Variants in TECPR2 observed in about 807,000 individuals in gnomAD.
TECPR2 encodes the protein tectonin beta-propeller repeat-containing protein 2.
TECPR2 carries 65 observed loss-of-function variants against 138.1 expected under a neutral mutation model. The observed-to-expected ratio is 0.47, with a 90% CI of 0.39 to 0.58. TECPR2 has a LOEUF of 0.58. Among genes scored for constraint, TECPR2 ranks in the 20% least tolerant of loss-of-function variants. TECPR2 has a pLI of 0.00. For synonymous variants in TECPR2, 746 were observed against 749.8 expected (o/e 0.99, Z 0.08); for missense variants, 1,553 against 1,824.5 (o/e 0.85, Z 2.71).
At chr14:102,426,426 C>T (rs999799032) in intron 6 of TECPR2, among the ~76,000 whole-genome samples, 4 of 152,184 alleles carry the variant, frequency 2.6e-5, no homozygotes, top group Non-Finnish European at 5.9e-5. Context: ...AACTCCCTGC[C>T]TTACCCTCCC....
chr14:102,423,121 T>G (rs1318889993), intron 5 of TECPR2, among the ~76,000 whole-genome samples: 7 of 152,104 alleles, frequency 4.6e-5, no homozygotes, highest in Non-Finnish European at 8.8e-5. Context: ...CCAACACAAA[T>G]TTGTAAACTT....
intron 2 of TECPR2, among the ~76,000 whole-genome samples, chr14:102,385,344 A>G (rs1453211093): frequency 6.6e-6 from 1 of 152,134 alleles, no homozygotes; most frequent in Non-Finnish European, 1.5e-5. Flanking sequence ...AACACCTCCT[A>G]CTAGGCCCCA....
intron 2 of TECPR2, among the ~76,000 whole-genome samples, chr14:102,404,427 T>G (rs891488576): frequency 6.6e-6 from 1 of 152,044 alleles, no homozygotes; most frequent in Non-Finnish European, 1.5e-5. Context: ...AAAACTTAAC[T>G]GCAAAAATGC....
chr14:102,479,518 G>A (rs1019259429), intron 17 of TECPR2, among the ~76,000 whole-genome samples: 1 of 152,198 alleles, frequency 6.6e-6, no homozygotes, highest in Non-Finnish European at 1.5e-5. Context: ...GGAGGCTCTT[G>A]AGCAGGGCCG....
At chr14:102,475,201 GA>G (rs1173735288) in intron 17 of TECPR2, among the ~76,000 whole-genome samples, 1 of 152,226 alleles carries the variant, frequency 6.6e-6, no homozygotes, top group Non-Finnish European at 1.5e-5. Context: ...ACTGGTACAA[GA>G]AAGGCAAGTA....
chr14:102,446,828 ATT>A (rs1889994592), intron 13 of TECPR2, among the ~76,000 whole-genome samples: 1 of 152,192 alleles, frequency 6.6e-6, no homozygotes, highest in Non-Finnish European at 1.5e-5. Flanking sequence ...TTATTTTGAT[ATT>A]GTTTATATAT....
intron 16 of TECPR2, among the ~76,000 whole-genome samples, chr14:102,458,493 A>G (rs1890327779): frequency 6.6e-6 from 1 of 152,168 alleles, no homozygotes. Flanking sequence ...AGGGTCTCGC[A>G]GCCAGACCCG....
At chr14:102,433,689 T>C (rs1383415628) in intron 8 of TECPR2, among the ~76,000 whole-genome samples, 4 of 151,674 alleles carry the variant, frequency 2.6e-5, no homozygotes, top group African/African-American at 4.8e-5. Flanking sequence ...CCCAGCTAAG[T>C]TTTTGTATTT....
rs750732088 is a variant in TECPR2 at position 102,443,820 on chromosome 14, A to G, written c.2926A>G (p.Ile976Val). 11 of 1,588,002 alleles carry G rather than the reference A, an allele frequency of 6.9e-6. No individual in the cohort carries two copies. Among genetic ancestry groups the G allele is most frequent in the Non-Finnish European group, 9.5e-6 (11 of 1,161,572 alleles). The change falls in exon 12 of 20, where the codon ATT (isoleucine) becomes GTT (valine). Residue 976 changes from isoleucine to valine, a missense_variant. Coordinates refer to ENST00000359520, the MANE Select transcript of TECPR2 (RefSeq NM_014844.5). The surrounding 1 kb of genome is among the most constrained non-coding windows in gnomAD (Gnocchi z 4.9). ...GGAAGGCGAGCAGTGGAAGTGTGAC[A>G]TTGTCAGGTACTGGCGGGCCAGAGA... ...CPEGEQWKCD[I>V]VSERQALEPV...
chr14:102,427,240 T>C (rs577891277), intron 6 of TECPR2, among the ~76,000 whole-genome samples: 6 of 152,372 alleles, frequency 3.9e-5, no homozygotes, highest in East Asian at 1.9e-4. Context: ...TTTGAACTTA[T>C]GTGCACTTAT....
chr14:102,469,210 A>G (rs1890612340), intron 17 of TECPR2, among the ~76,000 whole-genome samples: 1 of 152,200 alleles, frequency 6.6e-6, no homozygotes, highest in Non-Finnish European at 1.5e-5. Context: ...GTCTGTGAAC[A>G]TGGGATGTCT....
chr14:102,368,330 T>C (rs1887401942), intron 1 of TECPR2, among the ~76,000 whole-genome samples: 1 of 152,146 alleles, frequency 6.6e-6, no homozygotes, highest in Non-Finnish European at 1.5e-5. Flanking sequence ...TTGTGTGTCT[T>C]CTTTGGAGAA....
chr14:102,498,031 T>TCCCAGCTCCATCTGTGCCCAAGCC, intron 19 of TECPR2, 72 bp from the exon 20 acceptor site: 1 of 1,565,194 alleles, frequency 6.4e-7, no homozygotes, highest in Non-Finnish European at 8.7e-7. Context: ...GCGCCCAAGC[T>TCCCAGCTCCATCTGTGCCCAAGCC]CCCAGCTCCA....
chr14:102,377,636 A>G (rs1396805559), intron 2 of TECPR2, among the ~76,000 whole-genome samples: 1 of 152,050 alleles, frequency 6.6e-6, no homozygotes, highest in East Asian at 1.9e-4. Flanking sequence ...AACCTGGGAG[A>G]TGGAGGTTGC....
chr14:102,401,721 C>T lies in TECPR2; in HGVS notation c.220-5617C>T, dbSNP rs140311472. 8.6e-3 allele frequency among the ~76,000 whole-genome samples: 1,207 copies of T among 139,900 alleles called. 23 individuals are homozygous for T. The highest frequency in any genetic ancestry group is 0.03 in the African/African-American group (1,134 of 37,662). The allele number at this position is 139,900 out of a possible 152,430, so 91.8% of individuals were successfully genotyped here. ...TCAGGAGGCTGAGGCAGGAGAATGG[C>T]GTGAACCCGGGAGGCAGAGCTTGCA... On this transcript the variant is annotated intron_variant, in intron 2 of 19. Coordinates refer to ENST00000359520, the MANE Select transcript of TECPR2 (RefSeq NM_014844.5).
intron 14 of TECPR2, 100 bp from the exon 15 acceptor site, chr14:102,450,460 G>A: frequency 9.0e-7 from 1 of 1,116,174 alleles, no homozygotes; most frequent in South Asian, 1.3e-5. Context: ...ATTATCTGGA[G>A]AAAGGGTTTG....
Position 102,362,993 on chromosome 14 carries a change from T to G in TECPR2, c.-196T>G. On this transcript the variant is annotated 5_prime_UTR_variant, in exon 1 of 20. Coordinates refer to ENST00000359520, the MANE Select transcript of TECPR2 (RefSeq NM_014844.5). Reference sequence around the variant, plus strand: ...GGCGGAGCCAGCTGCTGCTCTTCGGTGCTGGCCCCGGTGCCGGCCCCGTTG... The same window carrying G: ...GGCGGAGCCAGCTGCTGCTCTTCGGGGCTGGCCCCGGTGCCGGCCCCGTTG... 1 of 1,152,306 alleles carries G rather than the reference T, an allele frequency of 8.7e-7. No homozygotes were observed. Among genetic ancestry groups the G allele is most frequent in the African/African-American group, 1.5e-5 (1 of 65,270 alleles). The allele number at this position is 1,152,306 out of a possible 1,614,324, so 71.4% of individuals were successfully genotyped here.
chr14:102,391,718 A>G (rs1446754663), intron 2 of TECPR2, among the ~76,000 whole-genome samples: 2 of 152,180 alleles, frequency 1.3e-5, no homozygotes, highest in African/African-American at 4.8e-5. Flanking sequence ...TGCACCTGGC[A>G]GAGTTGATCA....
chr14:102,484,560 C>T (rs1489869673), intron 17 of TECPR2, among the ~76,000 whole-genome samples: 2 of 152,158 alleles, frequency 1.3e-5, no homozygotes, highest in African/African-American at 4.8e-5. Flanking sequence ...TGCTTTTAGC[C>T]TTCCAGGGCC....
Sources: allele counts gnomAD v4.1 joint callset (sites outside exome capture counted in the v4.1 genomes callset), GRCh38; gene constraint gnomAD v4.1.1; non-coding constraint Gnocchi (gnomAD v3.1); transcripts MANE v1.5; gene names NCBI Gene and HGNC (gene_info 2026-07-23, HGNC 2026-07-21).